GREM2: variants seen among roughly 807,000 people sequenced by gnomAD.
GREM2 encodes gremlin 2, DAN family BMP antagonist, also known as gremlin-2.
Under a neutral mutation model 14.2 loss-of-function variants are expected in GREM2, and 11 were observed. The observed-to-expected ratio is 0.78, with a 90% CI of 0.49 to 1.28. The LOEUF is 1.28. Ranked by LOEUF, GREM2 falls within the 50% of genes most tolerant of loss-of-function variation. The pLI, the probability that GREM2 is intolerant of heterozygous loss-of-function variation, is 0.00. For synonymous variants in GREM2, 98 were observed against 97.6 expected (o/e 1.00, Z -0.02); for missense variants, 210 against 218.5 (o/e 0.96, Z 0.24).
At chr1:240,584,351 C>G (rs1679547706) in intron 1 of GREM2, among the ~76,000 whole-genome samples, 1 of 151,754 alleles carries the variant, frequency 6.6e-6, no homozygotes, top group Non-Finnish European at 1.5e-5. Context: ...AAAAATTAGC[C>G]AGGCATGCTG....
At chr1:240,556,231 G>T (rs567450530) in intron 1 of GREM2, among the ~76,000 whole-genome samples, 1 of 152,158 alleles carries the variant, frequency 6.6e-6, no homozygotes, top group South Asian at 2.1e-4. Flanking sequence ...GCAAATGTTC[G>T]AAGAGTGAAA....
intron 1 of GREM2, among the ~76,000 whole-genome samples, chr1:240,509,883 G>C (rs1392338580): frequency 6.6e-6 from 1 of 152,008 alleles, no homozygotes; most frequent in East Asian, 1.9e-4. Flanking sequence ...TACTGGAGAG[G>C]GTAGTGATGG....
intron 1 of GREM2, among the ~76,000 whole-genome samples, chr1:240,603,205 C>T (rs1004358136): frequency 3.3e-5 from 5 of 152,190 alleles, no homozygotes; most frequent in Admixed American, 1.3e-4. Flanking sequence ...TCATCAACTG[C>T]GGCCTTGAGC....
At chr1:240,560,287 C>T (rs545769000) in intron 1 of GREM2, among the ~76,000 whole-genome samples, 2 of 152,196 alleles carry the variant, frequency 1.3e-5, no homozygotes, top group East Asian at 1.9e-4. Context: ...GTGATACTGC[C>T]GCCATGGGTG....
chr1:240,548,436 T>C (rs1034575821), intron 1 of GREM2, among the ~76,000 whole-genome samples: 2 of 152,236 alleles, frequency 1.3e-5, no homozygotes, highest in Non-Finnish European at 2.9e-5. Context: ...TTAGAACTTT[T>C]GCACATAGTC....
intron 1 of GREM2, among the ~76,000 whole-genome samples, chr1:240,580,438 C>T (rs982280817): frequency 3.3e-5 from 5 of 152,244 alleles, no homozygotes; most frequent in African/African-American, 9.6e-5. Flanking sequence ...GCTGACATGC[C>T]TTATCAAGAT....
rs573995232 is a variant in GREM2, at chr1:240,489,821, C to T, written c.*3148G>A. The T allele has an allele frequency of 6.6e-6, 1 of 152,240 alleles. No individual in the cohort carries two copies. The highest frequency in any genetic ancestry group is 2.1e-4 in the South Asian group (1 of 4,822). 9.4% of individuals were successfully genotyped at this position (152,240 alleles called of 1,614,324 possible). ...ACTTTATAACTTAAAAATCATCTGG[C>T]CAATTTCAAAAACAAGTGAGTTAGA... is the stretch of plus-strand genomic sequence containing the variant. On this transcript the variant is annotated 3_prime_UTR_variant, in exon 2 of 2. Coordinates refer to ENST00000318160, the MANE Select transcript of GREM2 (RefSeq NM_022469.4).
chr1:240,501,632 G>A (rs1572365935), intron 1 of GREM2, among the ~76,000 whole-genome samples: 1 of 152,222 alleles, frequency 6.6e-6, no homozygotes, highest in East Asian at 1.9e-4. Context: ...AAAGCTGTGC[G>A]TTTATACACA....
intron 1 of GREM2, among the ~76,000 whole-genome samples, chr1:240,509,516 G>A (rs1323279577): frequency 2.0e-4 from 31 of 151,990 alleles, no homozygotes; most frequent in Non-Finnish European, 1.5e-5. Flanking sequence ...TTACAGGCAT[G>A]CACCAACAAG....
chr1:240,522,012 C>T (rs1411229731), intron 1 of GREM2, among the ~76,000 whole-genome samples: 2 of 149,984 alleles, frequency 1.3e-5, no homozygotes, highest in African/African-American at 4.9e-5. Context: ...CCCAGCTACT[C>T]GGGAGGCTGA....
At chr1:240,577,793 C>T (rs1006316701) in intron 1 of GREM2, among the ~76,000 whole-genome samples, 3 of 152,160 alleles carry the variant, frequency 2.0e-5, no homozygotes, top group African/African-American at 7.2e-5. Flanking sequence ...AAATATTTTA[C>T]AATTTTAGCC....
At chr1:240,557,492 A>G (rs974593492) in intron 1 of GREM2, among the ~76,000 whole-genome samples, 1 of 152,198 alleles carries the variant, frequency 6.6e-6, no homozygotes, top group East Asian at 1.9e-4. Flanking sequence ...CTCAACAGCC[A>G]TCCTGAAAGC....
At chr1:240,500,285 T>C (rs897538703) in intron 1 of GREM2, among the ~76,000 whole-genome samples, 1 of 151,074 alleles carries the variant, frequency 6.6e-6, no homozygotes, top group Non-Finnish European at 1.5e-5. Flanking sequence ...CAGAGTATGT[T>C]TGTGTGTGTG....
At position 240,595,112 on chromosome 1, in the gene GREM2, G is replaced by A. The variant is rs369598901; in HGVS notation, c.-2+16772C>T. The stretch of plus-strand genomic sequence containing the variant: ...TAAAAAAAGTGAAGTATGGCCGGGC[G>A]TGGTGGCTCATGCCTGTAATCCCAG... On this transcript the variant is annotated intron_variant, in intron 1 of 1. Coordinates refer to ENST00000318160, the MANE Select transcript of GREM2 (RefSeq NM_022469.4). Among the ~76,000 whole-genome samples the A allele has an allele frequency of 1.7e-4, 26 of 152,308 alleles. No homozygotes were observed. In the East Asian group the frequency reaches 2.9e-3, roughly 17 times the overall value.
intron 1 of GREM2, among the ~76,000 whole-genome samples, chr1:240,579,794 T>C (rs1203531894): frequency 6.6e-6 from 1 of 152,206 alleles, no homozygotes; most frequent in Non-Finnish European, 1.5e-5. Context: ...CTGGTAAAGC[T>C]AAAACAACAG....
intron 1 of GREM2, among the ~76,000 whole-genome samples, chr1:240,546,628 G>A (rs551020636): frequency 6.6e-6 from 1 of 152,308 alleles, no homozygotes; most frequent in South Asian, 2.1e-4. Flanking sequence ...CTACAGAGAA[G>A]ATTGCAAATG....
chr1:240,608,879 G>A (rs987759916), intron 1 of GREM2, among the ~76,000 whole-genome samples: 4 of 152,150 alleles, frequency 2.6e-5, no homozygotes, highest in African/African-American at 9.7e-5. Flanking sequence ...TCTTCCTCAT[G>A]GTCAGGGGGA....
At chr1:240,511,046 A>G (rs1677813578) in intron 1 of GREM2, among the ~76,000 whole-genome samples, 1 of 152,226 alleles carries the variant, frequency 6.6e-6, no homozygotes. Flanking sequence ...AAAGTAGTTA[A>G]TTATTCTTCT....
At chr1:240,501,157 G>A (rs1215705376) in intron 1 of GREM2, among the ~76,000 whole-genome samples, 5 of 152,068 alleles carry the variant, frequency 3.3e-5, no homozygotes, top group Non-Finnish European at 5.9e-5. Context: ...CAACTTACCC[G>A]AAGTGAGAGA....
Sources: gnomAD v4.1 joint callset for allele counts (sites outside exome capture counted in the v4.1 genomes callset) on GRCh38, gnomAD v4.1.1 for gene constraint, MANE v1.5 for transcripts, NCBI Gene and HGNC (gene_info 2026-07-23, HGNC 2026-07-21) for gene names.